Variants in PDZD2 observed in about 807,000 individuals in gnomAD.
PDZD2 encodes PDZ domain containing 2, also known as PDZ domain-containing protein 2.
Under a neutral mutation model 220.7 loss-of-function variants are expected in PDZD2, and 90 were observed. The observed-to-expected ratio is 0.41, with a 90% CI of 0.34 to 0.49. The LOEUF (loss-of-function observed/expected upper bound fraction) is 0.49, where lower values mean the gene tolerates loss of function less well. Ranked by LOEUF, PDZD2 falls within the 20% of genes least tolerant of loss-of-function variation. PDZD2 has a pLI of 0.28. For synonymous variants in PDZD2, 1,375 were observed against 1,450.5 expected (o/e 0.95, Z 1.18); for missense variants, 3,174 against 3,608.5 (o/e 0.88, Z 3.08).
intron 10 of PDZD2, among the ~76,000 whole-genome samples, chr5:32,056,243 A>G (rs161531): frequency 0.76 from 115,155 of 152,134 alleles, 43,713 homozygotes; most frequent in South Asian, 0.83. Flanking sequence ...TATAGCTTCT[A>G]TAATTGCATT....
intron 7 of PDZD2, among the ~76,000 whole-genome samples, chr5:32,040,355 C>A (rs1354931113): frequency 6.7e-6 from 1 of 149,648 alleles, no homozygotes; most frequent in Non-Finnish European, 1.5e-5. Flanking sequence ...GCCCCTCTGC[C>A]TGGCCGCCCC....
At chr5:31,764,622 T>C (rs929573904) in intron 1 of PDZD2, among the ~76,000 whole-genome samples, 11 of 152,216 alleles carry the variant, frequency 7.2e-5, no homozygotes, top group Admixed American at 7.2e-4. Flanking sequence ...GAAAAAAAGT[T>C]TTCCCATGTC....
intron 2 of PDZD2, among the ~76,000 whole-genome samples, chr5:31,908,019 G>A (rs1187917814): frequency 1.4e-5 from 2 of 147,092 alleles, no homozygotes. Context: ...GGAGGCGGAG[G>A]CTTCAGTGAG....
intron 2 of PDZD2, among the ~76,000 whole-genome samples, chr5:31,924,419 C>G (rs1744559999): frequency 6.6e-6 from 1 of 152,186 alleles, no homozygotes; most frequent in African/African-American, 2.4e-5. Context: ...GGGCCAATGT[C>G]AAGAGTAAGA....
chr5:32,022,185 G>GTTTTTTTTTTTTTTTTTTTTT (rs145876120), intron 6 of PDZD2, among the ~76,000 whole-genome samples: 2 of 135,592 alleles, frequency 1.5e-5, no homozygotes, highest in Non-Finnish European at 3.1e-5. Context: ...TTGTTTTTTT[G>GTTTTTTTTTTTTTTTTTTTTT]TTTTTTTGTT....
chr5:31,877,823 G>A (rs886564973), intron 2 of PDZD2, among the ~76,000 whole-genome samples: 2 of 152,050 alleles, frequency 1.3e-5, no homozygotes, highest in Non-Finnish European at 2.9e-5. Flanking sequence ...CCGAGCAGCT[G>A]GGATTACAGG....
intron 6 of PDZD2, among the ~76,000 whole-genome samples, chr5:32,020,219 G>A (rs1186676708): frequency 1.3e-5 from 2 of 151,958 alleles, no homozygotes; most frequent in Non-Finnish European, 2.9e-5. Flanking sequence ...TGACCAAGCT[G>A]GTCTCAAACT....
chr5:32,000,147 G>A lies in PDZD2; in HGVS notation c.1130G>A (p.Arg377Lys). Residue 377 changes from arginine to lysine, a missense_variant, in exon 5 of 25, where the codon AGG becomes AAG. Physicochemically the swap from Arg to Lys is conservative, Grantham distance 26. Transcript: ENST00000438447. This position sits in a 1 kb window ranked among gnomAD's most constrained non-coding sequence, Gnocchi z 4.5. ...KEGGAAHRDGRLSLGDELLVI... is the reference protein window; with the variant it reads ...KEGGAAHRDGKLSLGDELLVI... ...CATCTCCCTTTCCTCAGGGATGGCA[G>A]GCTGTCCTTAGGAGATGAGCTGCTG... 2 of 1,614,084 alleles carry A rather than the reference G, an allele frequency of 1.2e-6. No individual in the cohort carries two copies. Among genetic ancestry groups the A allele is most frequent in the South Asian group, 2.2e-5 (2 of 91,066 alleles).
chr5:31,720,891 G>A (rs1748748408), intron 1 of PDZD2, among the ~76,000 whole-genome samples: 1 of 152,134 alleles, frequency 6.6e-6, no homozygotes, highest in South Asian at 2.1e-4. Context: ...ATATTTTTAG[G>A]TTTTATGGCT....
At chr5:31,907,538 G>T (rs1742767980) in intron 2 of PDZD2, among the ~76,000 whole-genome samples, 1 of 152,176 alleles carries the variant, frequency 6.6e-6, no homozygotes, top group Non-Finnish European at 1.5e-5. Context: ...CTGGGTTATT[G>T]TGCCTTTCCT....
rs541987037 is a variant in PDZD2 at position 31,714,474 on chromosome 5, G to A, written c.-361+75037G>A. The stretch of plus-strand genomic sequence containing the variant: ...GGAAATAGTGTCATTGAGGAGGTAG[G>A]AGAAACTTTTGGAGGTGTTATGGGA... On this transcript the variant is annotated intron_variant, in intron 1 of 24. Transcript: ENST00000438447. Among the ~76,000 whole-genome samples the A allele has an allele frequency of 2.6e-5, 4 of 152,324 alleles. 1 individual carries two copies. In the South Asian group the frequency reaches 8.3e-4, roughly 32 times the overall value.
chr5:31,765,549 G>C (rs545517077), intron 1 of PDZD2, among the ~76,000 whole-genome samples: 1 of 152,114 alleles, frequency 6.6e-6, no homozygotes, highest in East Asian at 1.9e-4. Flanking sequence ...AATGTAGCTC[G>C]GGAAAATATG....
chr5:31,884,674 C>T (rs1179425233), intron 2 of PDZD2, among the ~76,000 whole-genome samples: 1 of 152,108 alleles, frequency 6.6e-6, no homozygotes, highest in Non-Finnish European at 1.5e-5. Flanking sequence ...CTGCAACCTC[C>T]ATCTCCCAGG....
chr5:31,745,302 T>G (rs1460754221), intron 1 of PDZD2, among the ~76,000 whole-genome samples: 1 of 152,280 alleles, frequency 6.6e-6, no homozygotes, highest in East Asian at 1.9e-4. Flanking sequence ...ATAAAAACAC[T>G]GGTCACACCT....
rs754484921 is a variant in PDZD2, at chr5:32,089,253, C to G, written c.5805C>G (p.Leu1935=). 3 of 1,614,150 alleles carry G rather than the reference C, an allele frequency of 1.9e-6. No individual in the cohort carries two copies. The change falls in exon 20 of 25, where the codon CTC becomes CTG. Residue 1935 remains leucine, a synonymous_variant. Transcript: ENST00000438447. Reference sequence around the variant, plus strand: ...TTTCTAAGGCAGTGTCACAGCGGCTCCATGTAGCCGACCACGAGGACCCTG... The same window carrying G: ...TTTCTAAGGCAGTGTCACAGCGGCTGCATGTAGCCGACCACGAGGACCCTG... The part of the protein sequence containing the change: ...KTLSKAVSQR[L]HVADHEDPDR...
chr5:31,799,182 G>A lies in PDZD2; in HGVS notation c.-67G>A. On this transcript the variant is annotated 5_prime_UTR_variant, in exon 2 of 25. The change creates a premature stop within an existing upstream ORF in the 5' untranslated region. Transcript: ENST00000438447. Reference sequence around the variant, plus strand: ...ATGGCCAGGGACCCCAGGGGACGTGGGGCCCTGTGGGGTCTGGCCCCCAGG... The same window carrying A: ...ATGGCCAGGGACCCCAGGGGACGTGAGGCCCTGTGGGGTCTGGCCCCCAGG... 9.4e-7 allele frequency: 1 copy of A among 1,063,234 alleles called. No individual in the cohort carries two copies. The allele number at this position is 1,063,234 out of a possible 1,614,324, so 65.9% of individuals were successfully genotyped here. A position where few individuals can be genotyped will look rare whatever the true frequency, so the allele number is the denominator to read the frequency against.
chr5:32,089,856 C>T lies in PDZD2; in HGVS notation c.6408C>T (p.Val2136=), dbSNP rs576489739. The change falls in exon 20 of 25, where the codon GTC becomes GTT. Residue 2136 remains valine, a synonymous_variant. Transcript: ENST00000438447. The part of the protein sequence containing the change: ...EKSEIRLYRQ[V]AESSTSHPSS... ...GTGAAATCAGGCTCTATCGCCAGGT[C>T]GCAGAATCATCCACAAGTCATCCAT... 28 of 1,612,946 alleles carry T rather than the reference C, an allele frequency of 1.7e-5. No homozygotes were observed. In the East Asian group the frequency reaches 4.7e-4, roughly 27 times the overall value.
intron 8 of PDZD2, among the ~76,000 whole-genome samples, chr5:32,049,874 G>A (rs1004654690): frequency 5.9e-5 from 9 of 152,166 alleles, no homozygotes; most frequent in Admixed American, 5.9e-4. Flanking sequence ...GCTCAGAATG[G>A]TCCTGTTGGA....
At chr5:31,688,409 T>TA (rs1027888785) in intron 1 of PDZD2, among the ~76,000 whole-genome samples, 1 of 152,200 alleles carries the variant, frequency 6.6e-6, no homozygotes, top group African/African-American at 2.4e-5. Context: ...TCCACTGAAT[T>TA]AGTTGACCCA....
Sources: gnomAD v4.1 joint callset for allele counts (sites outside exome capture counted in the v4.1 genomes callset) on GRCh38, gnomAD v4.1.1 for gene constraint, Gnocchi (gnomAD v3.1) non-coding constraint, MANE v1.5 for transcripts, NCBI Gene and HGNC (gene_info 2026-07-23, HGNC 2026-07-21) for gene names.